ULK4: variants seen among roughly 807,000 people sequenced by gnomAD.
ULK4 encodes unc-51 like kinase 4.
Under a neutral mutation model 160.6 loss-of-function variants are expected in ULK4, and 133 were observed. That is an observed-to-expected ratio of 0.83 (90% confidence interval 0.72 to 0.96). The LOEUF (loss-of-function observed/expected upper bound fraction) is 0.96, where lower values mean the gene tolerates loss of function less well. Among genes scored for constraint, ULK4 ranks in the 40% least tolerant of loss-of-function variants. The pLI is 0.00. For missense variants in ULK4, 1,580 were observed against 1,499.5 expected (o/e 1.05, Z -0.89); for synonymous variants, 534 against 539.8 (o/e 0.99, Z 0.15).
intron 34 of ULK4, among the ~76,000 whole-genome samples, chr3:41,427,924 A>G (rs1388410840): frequency 6.6e-6 from 1 of 152,200 alleles, no homozygotes; most frequent in Non-Finnish European, 1.5e-5. Context: ...TGGCCAGGGC[A>G]ATCAAGCAAG....
At chr3:41,305,528 G>A (rs917196270) in intron 35 of ULK4, among the ~76,000 whole-genome samples, 3 of 152,258 alleles carry the variant, frequency 2.0e-5, no homozygotes, top group Admixed American at 6.5e-5. Flanking sequence ...AGTGCTCAAT[G>A]TTGCCCAGGC....
At chr3:41,319,560 C>A (rs531164273) in intron 35 of ULK4, among the ~76,000 whole-genome samples, 3 of 152,192 alleles carry the variant, frequency 2.0e-5, no homozygotes, top group African/African-American at 7.2e-5. Flanking sequence ...CTATACTAGA[C>A]ACATCTTGGT....
chr3:41,792,115 A>T (rs2125594346), intron 20 of ULK4, among the ~76,000 whole-genome samples: 1 of 152,310 alleles, frequency 6.6e-6, no homozygotes, highest in South Asian at 2.1e-4. Context: ...TCAAATCTAA[A>T]TTCCAAATTG....
intron 21 of ULK4, among the ~76,000 whole-genome samples, chr3:41,769,272 G>A (rs2039272220): frequency 6.6e-6 from 1 of 152,130 alleles, no homozygotes; most frequent in African/African-American, 2.4e-5. Flanking sequence ...ACAACTAGTT[G>A]CCTAGGATTC....
At chr3:41,443,613 T>C (rs1207744901) in intron 34 of ULK4, among the ~76,000 whole-genome samples, 1 of 152,142 alleles carries the variant, frequency 6.6e-6, no homozygotes. Flanking sequence ...CTTTGGACCA[T>C]GTTGTTAAGG....
chr3:41,737,944 T>C (rs567693861), intron 22 of ULK4, among the ~76,000 whole-genome samples: 3 of 152,096 alleles, frequency 2.0e-5, no homozygotes, highest in South Asian at 4.1e-4. Flanking sequence ...ACTTTGGCTA[T>C]CTGATCTGTG....
intron 22 of ULK4, among the ~76,000 whole-genome samples, chr3:41,735,101 T>C (rs1198914980): frequency 1.3e-5 from 2 of 152,136 alleles, no homozygotes; most frequent in Non-Finnish European, 2.9e-5. Flanking sequence ...AAGGAAATTG[T>C]TTAAAGGAAA....
intron 19 of ULK4, among the ~76,000 whole-genome samples, chr3:41,819,204 A>C (rs565805699): frequency 6.6e-6 from 1 of 152,310 alleles, no homozygotes; most frequent in East Asian, 1.9e-4. Context: ...ATTCCTTTAA[A>C]AAGCAAGACA....
intron 35 of ULK4, among the ~76,000 whole-genome samples, chr3:41,315,182 C>G (rs2080123256): frequency 6.6e-6 from 1 of 152,174 alleles, no homozygotes; most frequent in African/African-American, 2.4e-5. Context: ...TCTGCTTCTA[C>G]ATTCAATCTG....
chr3:41,883,487 GA>G (rs1431280312), intron 17 of ULK4, among the ~76,000 whole-genome samples: 1 of 152,128 alleles, frequency 6.6e-6, no homozygotes, highest in Non-Finnish European at 1.5e-5. Flanking sequence ...TCTTTCATAC[GA>G]AAACACTACA....
At chr3:41,793,173 C>CA (rs548947746) in intron 20 of ULK4, among the ~76,000 whole-genome samples, 44 of 109,792 alleles carry the variant, frequency 4.0e-4, no homozygotes, top group South Asian at 2.0e-3. Flanking sequence ...AACTCCATCT[C>CA]AAAAAAAAAA....
chr3:41,420,519 G>T (rs1256583163), intron 34 of ULK4, among the ~76,000 whole-genome samples: 1 of 98,034 alleles, frequency 1.0e-5, no homozygotes, highest in Non-Finnish European at 1.8e-5. Context: ...GTCTCACTCT[G>T]TCACCCAGGC....
chr3:41,436,322 C>T (rs1448404884), intron 34 of ULK4, among the ~76,000 whole-genome samples: 3 of 152,214 alleles, frequency 2.0e-5, no homozygotes, highest in Non-Finnish European at 2.9e-5. Context: ...CAGGCTTAAC[C>T]GAGGCATAAC....
intron 25 of ULK4, among the ~76,000 whole-genome samples, chr3:41,709,009 T>C (rs2036999051): frequency 6.6e-6 from 1 of 152,206 alleles, no homozygotes; most frequent in Non-Finnish European, 1.5e-5. Context: ...TATTTGTGTA[T>C]GTCACATACA....
intron 18 of ULK4, among the ~76,000 whole-genome samples, chr3:41,830,122 A>G (rs2041524755): frequency 6.6e-6 from 1 of 152,096 alleles, no homozygotes; most frequent in East Asian, 1.9e-4. Flanking sequence ...CAGAAAGGGG[A>G]ACATCACTCT....
chr3:41,693,388 G>T (rs138903341), intron 27 of ULK4, among the ~76,000 whole-genome samples: 4 of 152,210 alleles, frequency 2.6e-5, no homozygotes, highest in African/African-American at 9.6e-5. Flanking sequence ...AACTAAATAT[G>T]AACAAGGTTA....
chr3:41,759,600 C>A (rs2038920714), intron 21 of ULK4, among the ~76,000 whole-genome samples: 1 of 152,072 alleles, frequency 6.6e-6, no homozygotes, highest in African/African-American at 2.4e-5. Context: ...ATCAAAATCC[C>A]AACAGGGCAT....
chr3:41,475,654 A>T (rs2084118996), intron 32 of ULK4, among the ~76,000 whole-genome samples: 1 of 152,204 alleles, frequency 6.6e-6, no homozygotes, highest in Admixed American at 6.5e-5. Flanking sequence ...AAAGAACGTT[A>T]AACTGAGACA....
intron 31 of ULK4, among the ~76,000 whole-genome samples, chr3:41,598,836 G>A (rs888760794): frequency 1.3e-5 from 2 of 152,202 alleles, no homozygotes; most frequent in South Asian, 2.1e-4. Context: ...TATCACAGAC[G>A]TTGTGGCTTA....
Sources: gnomAD v4.1 joint callset for allele counts (sites outside exome capture counted in the v4.1 genomes callset) on GRCh38, gnomAD v4.1.1 for gene constraint, MANE v1.5 for transcripts, NCBI Gene and HGNC (gene_info 2026-07-23, HGNC 2026-07-21) for gene names.